The following RIMS1 variants were observed in gnomAD, a reference collection of about 807,000 sequenced individuals.
RIMS1 encodes the protein regulating synaptic membrane exocytosis protein 1.
RIMS1 carries 83 observed loss-of-function variants against 214.1 expected under a neutral mutation model. The observed-to-expected ratio is 0.39, with a 90% confidence interval of 0.32 to 0.47. The LOEUF is 0.47. RIMS1 is among the 20% of genes least tolerant of loss of function. The pLI is 0.99. For synonymous variants in RIMS1, 793 were observed against 786.8 expected (o/e 1.01, Z -0.13); for missense variants, 2,050 against 2,161.8 (o/e 0.95, Z 1.03).
chr6:72,306,623 A>G (rs566028014), intron 26 of RIMS1, among the ~76,000 whole-genome samples: 4 of 152,294 alleles, frequency 2.6e-5, no homozygotes, highest in South Asian at 2.1e-4. Context: ...TCATGTATTC[A>G]TTTTCAAACT....
intron 6 of RIMS1, chr6:72,212,905 C>T: frequency 7.5e-7 from 1 of 1,328,420 alleles, no homozygotes; most frequent in South Asian, 1.9e-5. Context: ...ACAGTGCCTG[C>T]AGTGACCTGA....
At chr6:72,359,227 A>C (rs1028819485) in intron 29 of RIMS1, among the ~76,000 whole-genome samples, 11 of 152,222 alleles carry the variant, frequency 7.2e-5, no homozygotes, top group African/African-American at 2.7e-4. Flanking sequence ...CCTTGCACCA[A>C]TCTCCAGAAA....
chr6:72,050,091 T>G (rs1301483363), intron 2 of RIMS1, among the ~76,000 whole-genome samples: 3 of 152,098 alleles, frequency 2.0e-5, no homozygotes, highest in Admixed American at 6.5e-5. Flanking sequence ...CCCCCACCCC[T>G]TCACACATAC....
chr6:72,109,287 C>A (rs1488071687), intron 4 of RIMS1, among the ~76,000 whole-genome samples: 1 of 152,078 alleles, frequency 6.6e-6, no homozygotes, highest in Non-Finnish European at 1.5e-5. Context: ...CTGACTTCCA[C>A]AATGGTTGAA....
intron 6 of RIMS1, among the ~76,000 whole-genome samples, chr6:72,210,422 G>A (rs1176614463): frequency 5.9e-5 from 9 of 152,176 alleles, no homozygotes; most frequent in Non-Finnish European, 1.0e-4. Context: ...TATGCAGTGT[G>A]TCCTGAATAC....
rs552482751 is a variant in RIMS1 at position 72,097,161 on chromosome 6, A to C, written c.458A>C (p.Asn153Thr). ...GGCCGCGTGTCTCTACGGTCAAACAACGTGAGTATTCCATGAACATAAGGG... is the reference window on the plus strand; with the variant it reads ...GGCCGCGTGTCTCTACGGTCAAACACCGTGAGTATTCCATGAACATAAGGG... Reference protein sequence around the residue: ...CGGRVSLRSNNEDKVVMWVCN... With the variant: ...CGGRVSLRSNTEDKVVMWVCN... Residue 153 changes from asparagine (N) to threonine (T), a missense_variant and splice_region_variant, in exon 3 of 34, where the codon AAC becomes ACC. Physicochemically the swap from Asn to Thr is moderately conservative, Grantham distance 65 (BLOSUM62 0). This residue lies in a region of RIMS1 where 882 missense variants were observed against 828.9 expected (regional missense o/e 1.06). Transcript: ENST00000521978. 997 of 1,613,408 alleles carry C rather than the reference A, an allele frequency of 6.2e-4. 15 individuals are homozygous for C. The South Asian group carries it at 1.0e-2, about 16-fold the overall frequency.
chr6:72,013,694 G>T (rs1811679951), intron 2 of RIMS1, among the ~76,000 whole-genome samples: 1 of 152,142 alleles, frequency 6.6e-6, no homozygotes, highest in East Asian at 1.9e-4. Context: ...AGCTTAAACT[G>T]AGTAGTCTTC....
rs1412286062 is a variant in RIMS1 at position 72,392,731 on chromosome 6, C to T, written c.4539C>T (p.Asp1513=). 1.2e-6 allele frequency: 2 copies of T among 1,613,542 alleles called. No individual in the cohort carries two copies. ...TTCCTGGAGTGCGACTGGGAGCTGA[C>T]AGTCAATTCAGTGATTTTCTTGATG... ...LIFPGVRLGA[D]SQFSDFLDGL... is the part of the protein sequence containing the mutation. The change falls in exon 31 of 34, where the codon GAC becomes GAT. Residue 1513 remains aspartate (D), a synonymous_variant. Transcript: ENST00000521978.
At chr6:71,918,952 T>C (rs894661800) in intron 1 of RIMS1, among the ~76,000 whole-genome samples, 2 of 152,138 alleles carry the variant, frequency 1.3e-5, no homozygotes, top group Non-Finnish European at 2.9e-5. Flanking sequence ...AGAAGGATAC[T>C]AATGCCAAGG....
intron 2 of RIMS1, among the ~76,000 whole-genome samples, chr6:72,055,726 T>A (rs1247063635): frequency 6.6e-6 from 1 of 152,168 alleles, no homozygotes; most frequent in Non-Finnish European, 1.5e-5. Flanking sequence ...ATCATCTCAC[T>A]TCAGTCGAAT....
chr6:72,110,533 G>A (rs1221123063), intron 4 of RIMS1, among the ~76,000 whole-genome samples: 4 of 149,168 alleles, frequency 2.7e-5, no homozygotes, highest in Non-Finnish European at 5.9e-5. Context: ...GAATGCTTGT[G>A]ATTTTTGTAC....
At chr6:72,048,043 G>A (rs1413388261) in intron 2 of RIMS1, among the ~76,000 whole-genome samples, 4 of 152,072 alleles carry the variant, frequency 2.6e-5, no homozygotes, top group Non-Finnish European at 5.9e-5. Flanking sequence ...AACACAAACT[G>A]AACAAAGCAA....
intron 3 of RIMS1, among the ~76,000 whole-genome samples, chr6:72,098,517 A>C (rs1214817706): frequency 1.3e-5 from 2 of 151,516 alleles, no homozygotes; most frequent in Non-Finnish European, 2.9e-5. Context: ...CTGATCTCGA[A>C]CTCCTGACCT....
At chr6:72,376,288 A>G (rs6935842) in intron 29 of RIMS1, among the ~76,000 whole-genome samples, 25,775 of 152,102 alleles carry the variant, frequency 0.17, 2,689 homozygotes, top group Non-Finnish European at 0.23. Context: ...CCCTGCTGTC[A>G]TCCTGCCTCA....
In RIMS1 at chr6:71,969,002, G is replaced by A. The variant is rs1192278460; in HGVS notation, c.184G>A (p.Ala62Thr). ...CCCCAGGTGTGTTGTCAGGGACATG[G>A]CGAAGCCTGCTGCCTGCAAAACACC... is the stretch of plus-strand genomic sequence containing the variant. ...AMLKCVVRDM[A>T]KPAACKTPRN... Residue 62 changes from alanine (A) to threonine (T), a missense_variant, in exon 2 of 34, where the codon GCG (alanine) becomes ACG (threonine). Ala to Thr is a moderately conservative substitution (Grantham distance 58). Around this residue, in one of 6 missense-constraint regions of RIMS1, gnomAD observed 882 missense variants for 828.9 expected, o/e 1.06. Transcript: ENST00000521978. 6.8e-6 allele frequency: 11 copies of A among 1,613,996 alleles called. No homozygotes were observed. Among genetic ancestry groups the A allele is most frequent in the Non-Finnish European group, 8.5e-6 (10 of 1,179,872 alleles).
intron 2 of RIMS1, among the ~76,000 whole-genome samples, chr6:72,051,728 A>G (rs1207087623): frequency 1.3e-5 from 2 of 152,178 alleles, no homozygotes; most frequent in Non-Finnish European, 2.9e-5. Context: ...ATCCTAGTAA[A>G]TTTACTTTCT....
At chr6:72,302,045 G>A (rs2094663825) in intron 26 of RIMS1, among the ~76,000 whole-genome samples, 1 of 151,536 alleles carries the variant, frequency 6.6e-6, no homozygotes, top group South Asian at 2.1e-4. Flanking sequence ...AAATACTATA[G>A]AATCATAGAC....
At chr6:72,120,654 T>G (rs2038078762) in intron 4 of RIMS1, among the ~76,000 whole-genome samples, 1 of 151,416 alleles carries the variant, frequency 6.6e-6, no homozygotes, top group Admixed American at 6.6e-5. Context: ...CTCTTTAGTT[T>G]AATTAGATCC....
Position 72,132,747 on chromosome 6 carries a change from G to A in RIMS1, c.471+32761G>A, listed in dbSNP as rs762840313. 5.5e-4 allele frequency among the ~76,000 whole-genome samples: 84 copies of A among 152,162 alleles called. 1 individual carries two copies. The highest frequency in any genetic ancestry group is 3.7e-3 in the Admixed American group (56 of 15,262). Reference sequence around the variant, plus strand: ...ATTTAAATGTAAATTTCTTGGGCCCGCCCCAAACATCTTATACTATCATAT... The same window carrying A: ...ATTTAAATGTAAATTTCTTGGGCCCACCCCAAACATCTTATACTATCATAT... On this transcript the variant is annotated intron_variant, in intron 4 of 33. Transcript: ENST00000521978.
Sources: gnomAD v4.1 joint callset for allele counts (sites outside exome capture counted in the v4.1 genomes callset) on GRCh38, gnomAD v4.1.1 for gene constraint, gnomAD v4.1.1 regional missense constraint, MANE v1.5 for transcripts, NCBI Gene and HGNC (gene_info 2026-07-23, HGNC 2026-07-21) for gene names.